Variants in RBFOX1 observed in about 807,000 individuals in gnomAD.
RBFOX1 encodes RNA binding protein fox-1 homolog 1.
A neutral mutation model predicts 57.7 loss-of-function variants in RBFOX1; 8 were observed. The observed-to-expected ratio is 0.14, with a 90% CI of 0.08 to 0.25. The LOEUF (loss-of-function observed/expected upper bound fraction) is 0.25, where lower values mean the gene tolerates loss of function less well. RBFOX1 is among the 10% of genes least tolerant of loss of function. The probability of loss-of-function intolerance (pLI) is 1.00; values close to 1 mark genes in which losing one functional copy is unlikely to be tolerated. For synonymous variants in RBFOX1, 326 were observed against 222.4 expected (o/e 1.47, Z -4.15); for missense variants, 611 against 548.5 (o/e 1.11, Z -1.14).
At chr16:7,377,105 A>T (rs2097699011) in intron 4 of RBFOX1, among the ~76,000 whole-genome samples, 1 of 152,264 alleles carries the variant, frequency 6.6e-6, no homozygotes, top group African/African-American at 2.4e-5. Flanking sequence ...ATGATATCTT[A>T]CATGAAGGTA....
rs558562283 is a variant in RBFOX1 at position 7,196,374 on chromosome 16, C to T, written c.27+144276C>T. 2.1e-3 allele frequency among the ~76,000 whole-genome samples: 323 copies of T among 152,270 alleles called. 2 individuals are homozygous for T. The highest frequency in any genetic ancestry group is 0.01 in the Middle Eastern group (3 of 294). ...ACCCACCCTGCTTCACTCCCCCTCT[C>T]CCCAGCCCCATTTGCCACTGACTTG... On this transcript the variant is annotated intron_variant, in intron 4 of 15. Transcript: ENST00000550418.
chr16:7,634,203 A>C (rs2061407707), intron 11 of RBFOX1, among the ~76,000 whole-genome samples: 1 of 152,138 alleles, frequency 6.6e-6, no homozygotes, highest in African/African-American at 2.4e-5. Flanking sequence ...TTGTTTTTTA[A>C]CTTGAAAATG....
intron 11 of RBFOX1, among the ~76,000 whole-genome samples, chr16:7,653,337 A>G (rs2065503250): frequency 6.6e-6 from 1 of 152,136 alleles, no homozygotes; most frequent in South Asian, 2.1e-4. Flanking sequence ...CCCCATCTCT[A>G]CAAAACATGA....
intron 3 of RBFOX1, among the ~76,000 whole-genome samples, chr16:6,823,738 A>G (rs1191818021): frequency 6.6e-6 from 1 of 152,100 alleles, no homozygotes; most frequent in Non-Finnish European, 1.5e-5. Flanking sequence ...ACCAATTGAA[A>G]TTTTGAATGT....
intron 2 of RBFOX1, among the ~76,000 whole-genome samples, chr16:6,385,341 C>A (rs2092178165): frequency 6.6e-6 from 1 of 152,104 alleles, no homozygotes; most frequent in African/African-American, 2.4e-5. Context: ...CTCAGTTTTC[C>A]CCATCTTTAT....
chr16:7,441,916 G>T (rs966560945), intron 4 of RBFOX1, among the ~76,000 whole-genome samples: 4 of 152,210 alleles, frequency 2.6e-5, no homozygotes, highest in African/African-American at 7.2e-5. Context: ...CGTGCCCAGA[G>T]ATGCTGGCAG....
intron 2 of RBFOX1, among the ~76,000 whole-genome samples, chr16:5,492,279 C>G (rs1463851771): frequency 6.6e-6 from 1 of 152,168 alleles, no homozygotes; most frequent in Non-Finnish European, 1.5e-5. Flanking sequence ...CTGTTTTTCC[C>G]AATTCTAAAT....
At chr16:5,662,019 G>A (rs527437045) in intron 3 of RBFOX1, among the ~76,000 whole-genome samples, 431 of 151,998 alleles carry the variant, frequency 2.8e-3, no homozygotes, top group African/African-American at 9.9e-3. Context: ...ATCTCCTGAC[G>A]TCGTAATCCA....
chr16:7,201,212 A>G (rs1472899508), intron 4 of RBFOX1, among the ~76,000 whole-genome samples: 1 of 152,224 alleles, frequency 6.6e-6, no homozygotes, highest in Non-Finnish European at 1.5e-5. Context: ...TGCACCTCTC[A>G]GGGAGAAACA....
intron 1 of RBFOX1, among the ~76,000 whole-genome samples, chr16:5,392,586 T>G (rs892796780): frequency 2.0e-5 from 3 of 151,772 alleles, no homozygotes; most frequent in African/African-American, 7.3e-5. Context: ...TCACCCAGGC[T>G]GGAGTGCAGT....
At chr16:5,991,538 C>T (rs189008202) in intron 4 of RBFOX1, among the ~76,000 whole-genome samples, 57 of 152,040 alleles carry the variant, frequency 3.7e-4, no homozygotes, top group African/African-American at 1.4e-3. Context: ...TGCATCGTGG[C>T]TGGATAGGAG....
intron 2 of RBFOX1, among the ~76,000 whole-genome samples, chr16:6,320,563 T>C (rs934308179): frequency 3.9e-5 from 6 of 152,144 alleles, no homozygotes; most frequent in Non-Finnish European, 5.9e-5. Context: ...AATGTACATA[T>C]ACCTTGTGAA....
chr16:6,919,216 C>G (rs889424903), intron 3 of RBFOX1, among the ~76,000 whole-genome samples: 1 of 152,006 alleles, frequency 6.6e-6, no homozygotes, highest in African/African-American at 2.4e-5. Context: ...CTCCTGACCT[C>G]AGGTGATCCG....
At chr16:5,925,811 C>T (rs1435193045) in intron 4 of RBFOX1, among the ~76,000 whole-genome samples, 1 of 152,166 alleles carries the variant, frequency 6.6e-6, no homozygotes, top group Non-Finnish European at 1.5e-5. Flanking sequence ...TTTCTCTGCT[C>T]ACACATCGGC....
intron 5 of RBFOX1, among the ~76,000 whole-genome samples, chr16:7,532,627 C>G (rs1346163049): frequency 6.6e-6 from 1 of 152,176 alleles, no homozygotes; most frequent in Non-Finnish European, 1.5e-5. Context: ...CCAGCCTTCT[C>G]CAGGCTTTTA....
At chr16:6,661,521 A>G (rs1361842741) in intron 3 of RBFOX1, among the ~76,000 whole-genome samples, 1 of 152,162 alleles carries the variant, frequency 6.6e-6, no homozygotes, top group African/African-American at 2.4e-5. Context: ...CAGAAGGCAA[A>G]TCTTTACTGT....
At chr16:5,907,609 C>T (rs775945505) in intron 4 of RBFOX1, among the ~76,000 whole-genome samples, 28 of 152,170 alleles carry the variant, frequency 1.8e-4, no homozygotes, top group South Asian at 6.2e-4. Flanking sequence ...ATTTAAGTCT[C>T]GTAACAACCC....
At chr16:6,997,531 A>G (rs976898257) in intron 3 of RBFOX1, among the ~76,000 whole-genome samples, 10 of 152,166 alleles carry the variant, frequency 6.6e-5, no homozygotes, top group African/African-American at 1.4e-4. Flanking sequence ...TTGCTTTCCA[A>G]TTTCCCACAG....
intron 3 of RBFOX1, among the ~76,000 whole-genome samples, chr16:6,804,218 C>T (rs1401304001): frequency 6.6e-6 from 1 of 151,750 alleles, no homozygotes; most frequent in African/African-American, 2.4e-5. Flanking sequence ...CTTTGTTGGC[C>T]AGGCTGGACT....
Sources: gnomAD v4.1 joint callset for allele counts (sites outside exome capture counted in the v4.1 genomes callset) on GRCh38, gnomAD v4.1.1 for gene constraint, MANE v1.5 for transcripts, NCBI Gene and HGNC (gene_info 2026-07-23, HGNC 2026-07-21) for gene names.